DYNC2H1: variants seen among roughly 807,000 people sequenced by gnomAD.
DYNC2H1 encodes the protein cytoplasmic dynein 2 heavy chain 1.
In DYNC2H1, 410 loss-of-function variants were observed where a neutral mutation model predicts 570.0. That is an observed-to-expected ratio of 0.72 (90% CI 0.66 to 0.78). DYNC2H1 has a LOEUF of 0.78. DYNC2H1 is among the 30% of genes least tolerant of loss of function. DYNC2H1 has a pLI of 0.00. For missense variants in DYNC2H1, 4,865 were observed against 5,046.4 expected (o/e 0.96, Z 1.09); for synonymous variants, 1,688 against 1,677.6 (o/e 1.01, Z -0.15).
chr11:103,215,045 T>C (rs932173217), intron 54 of DYNC2H1, among the ~76,000 whole-genome samples: 3 of 152,162 alleles, frequency 2.0e-5, no homozygotes, highest in African/African-American at 7.2e-5. Flanking sequence ...TCTAAGAGTT[T>C]TTTGGTGGAG....
In DYNC2H1 at chr11:103,170,927, G is replaced by T; in HGVS notation, c.5193G>T (p.Leu1731Phe). The T allele has an allele frequency of 6.3e-7, 1 of 1,593,796 alleles. No individual in the cohort carries two copies. Among genetic ancestry groups the T allele is most frequent in the Non-Finnish European group, 8.6e-7 (1 of 1,166,958 alleles). Reference protein sequence around the residue: ...VKSMGRIFVGLVKCGAWGCFD... With the variant: ...VKSMGRIFVGFVKCGAWGCFD... ...CAATGGGACGAATATTTGTTGGTTT[G>T]GTGAAGTGTGGGGCCTGGGGTTGTT... The change falls in exon 34 of 89, where the codon TTG becomes TTT. Residue 1731 changes from leucine (L) to phenylalanine (F), a missense_variant. This residue lies in a region of DYNC2H1 where 292 missense variants were observed against 300.2 expected (regional missense o/e 0.97). Coordinates refer to ENST00000375735, the MANE Select transcript of DYNC2H1 (RefSeq NM_001377.3). The surrounding 1 kb of genome is among the most constrained non-coding windows in gnomAD (Gnocchi z 4.8).
intron 87 of DYNC2H1, among the ~76,000 whole-genome samples, chr11:103,466,333 T>C (rs1409204600): frequency 6.6e-6 from 1 of 152,160 alleles, no homozygotes; most frequent in Admixed American, 6.5e-5. Context: ...AAGAGAAGAC[T>C]TTTAGAAACA....
chr11:103,135,885 G>T lies in DYNC2H1; in HGVS notation c.2511G>T (p.Leu837Phe). The change falls in exon 17 of 89, where the codon TTG becomes TTT. Residue 837 changes from leucine (L) to phenylalanine (F), a missense_variant. By Grantham distance (22) the Leu-to-Phe change is conservative (BLOSUM62 0). Transcript: ENST00000375735. ...TTGATAGAAATGCAAGTGGATTTTT[G>T]ACGATTTTCAGCAAAGCAGAAGATC... ...IMIDRNASGF[L>F]TIFSKAEDLF... 1 of 1,612,960 alleles carries T rather than the reference G, an allele frequency of 6.2e-7. No individual in the cohort carries two copies. The highest frequency in any genetic ancestry group is 1.1e-5 in the South Asian group (1 of 90,896).
chr11:103,290,363 T>C (rs2135365705), intron 75 of DYNC2H1, among the ~76,000 whole-genome samples: 1 of 152,278 alleles, frequency 6.6e-6, no homozygotes, highest in African/African-American at 2.4e-5. Context: ...TGTTCTGTGC[T>C]TTTGCTTACT....
At chr11:103,148,299 C>T (rs1359612710) in intron 19 of DYNC2H1, among the ~76,000 whole-genome samples, 191 bp from the exon 20 acceptor site, 1 of 152,142 alleles carries the variant, frequency 6.6e-6, no homozygotes, top group Admixed American at 6.5e-5. Context: ...AACAACTAAA[C>T]TTTCATGGGA....
At position 103,147,789 on chromosome 11, in the gene DYNC2H1, G is replaced by A; in HGVS notation, c.2720G>A (p.Cys907Tyr). 1.9e-6 allele frequency: 3 copies of A among 1,607,774 alleles called. No homozygotes were observed. The South Asian group carries it at 3.3e-5, about 18-fold the overall frequency. Reference sequence around the variant, plus strand: ...TTTTTCAGTGCTGTCAAGGTAGATTGTTTAAATATTAATTGCAACCCTGTG... The same window carrying A: ...TTTTTCAGTGCTGTCAAGGTAGATTATTTAAATATTAATTGCAACCCTGTG... ...ERLPSAVKVD[C>Y]LNINCNPVKT... Residue 907 changes from cysteine (C) to tyrosine (Y), a missense_variant, in exon 19 of 89, where the codon TGT (cysteine) becomes TAT (tyrosine). Transcript: ENST00000375735.
At chr11:103,286,135 A>C in intron 73 of DYNC2H1, 120 bp from the exon 74 acceptor site, 1 of 1,329,580 alleles carries the variant, frequency 7.5e-7, no homozygotes, top group East Asian at 2.3e-5. Context: ...AGGCAACACA[A>C]AGTAGAAGAG....
chr11:103,148,375 C>T, intron 19 of DYNC2H1, 115 bp from the exon 20 acceptor site: 1 of 1,049,086 alleles, frequency 9.5e-7, no homozygotes, highest in South Asian at 1.9e-5. Flanking sequence ...TAATTTAGAA[C>T]TTATTGTATT....
chr11:103,146,078 C>A (rs574533002), intron 18 of DYNC2H1, among the ~76,000 whole-genome samples: 1 of 152,200 alleles, frequency 6.6e-6, no homozygotes, highest in South Asian at 2.1e-4. Context: ...CTTCATGTGT[C>A]AAGAAAATTG....
intron 66 of DYNC2H1, 108 bp from the exon 67 acceptor site, chr11:103,255,307 A>G: frequency 8.5e-7 from 1 of 1,179,556 alleles, no homozygotes; most frequent in Non-Finnish European, 1.2e-6. Flanking sequence ...GAGATAACAT[A>G]GTATCATATT....
chr11:103,123,121 TTG>T, intron 11 of DYNC2H1, 121 bp downstream of exon 11: 1 of 817,682 alleles, frequency 1.2e-6, no homozygotes, highest in Non-Finnish European at 1.7e-6. Context: ...TAATTTTTTT[TTG>T]TTGTTTGTTT....
In DYNC2H1 at chr11:103,166,889, C is replaced by A. The variant is rs541924839; in HGVS notation, c.4762+841C>A. Among the ~76,000 whole-genome samples, 19 of 150,292 alleles carry A rather than the reference C, an allele frequency of 1.3e-4. No individual in the cohort carries two copies. The South Asian group carries it at 3.0e-3, about 24-fold the overall frequency. On this transcript the variant is annotated intron_variant, in intron 31 of 88. Coordinates refer to ENST00000375735, the MANE Select transcript of DYNC2H1 (RefSeq NM_001377.3). ...GGGAAGCTTTTGGCTCTTATTTCTT[C>A]AAACATTCTTCCTGTATTATACTCT...
chr11:103,417,660 G>A (rs1476076483), intron 84 of DYNC2H1, among the ~76,000 whole-genome samples: 1 of 37,980 alleles, frequency 2.6e-5, no homozygotes, highest in East Asian at 8.6e-4. Context: ...AGGCAGATCA[G>A]AGGTCAGGAT....
intron 80 of DYNC2H1, 47 bp downstream of exon 80, chr11:103,316,667 T>C: frequency 7.4e-7 from 1 of 1,349,400 alleles, no homozygotes; most frequent in Non-Finnish European, 9.9e-7. Flanking sequence ...AAATATTTTA[T>C]CTGAGGTCTT....
At chr11:103,433,295 A>T (rs896218556) in intron 84 of DYNC2H1, among the ~76,000 whole-genome samples, 1 of 148,398 alleles carries the variant, frequency 6.7e-6, no homozygotes, top group African/African-American at 2.5e-5. Flanking sequence ...CACATTGTAG[A>T]TAGTAAATAA....
Position 103,185,114 on chromosome 11 carries a change from C to T in DYNC2H1, c.6633+63C>T, listed in dbSNP as rs999802323. 57 of 1,447,424 alleles carry T rather than the reference C, an allele frequency of 3.9e-5. No individual in the cohort carries two copies. Among genetic ancestry groups the T allele is most frequent in the Non-Finnish European group, 5.1e-5 (54 of 1,064,074 alleles). The allele number at this position is 1,447,424 out of a possible 1,614,324, so 89.7% of individuals were successfully genotyped here. On this transcript the variant is annotated intron_variant, in intron 41 of 88. Coordinates refer to ENST00000375735, the MANE Select transcript of DYNC2H1 (RefSeq NM_001377.3). The surrounding 1 kb of genome is among the most constrained non-coding windows in gnomAD (Gnocchi z 4.5). ...TAACTTTTCATTAACTCTTAACTGC[C>T]AAAACACAATGATTTGTAACTGTAA...
rs1251261286 is a variant in DYNC2H1, at chr11:103,120,958, G to T, written c.1282G>T (p.Val428Leu). 6.4e-7 allele frequency: 1 copy of T among 1,564,110 alleles called. No individual in the cohort carries two copies. The highest frequency in any genetic ancestry group is 1.9e-5 in the Admixed American group (1 of 53,836). ...AGCATTCCTGAAATATAAAGAGTTG[G>T]TAAAGCGTCCAACTATAAGCAAAGA... ...LQAFLKYKEL[V>L]KRPTISKELM... The change falls in exon 9 of 89, where the codon GTA (valine) becomes TTA (leucine). Residue 428 changes from valine (V) to leucine (L), a missense_variant. Val to Leu is a conservative substitution (Grantham distance 32, BLOSUM62 1). This residue lies in a region of DYNC2H1 where 1,936 missense variants were observed against 1,962.1 expected (regional missense o/e 0.99). Coordinates refer to ENST00000375735, the MANE Select transcript of DYNC2H1 (RefSeq NM_001377.3).
intron 65 of DYNC2H1, among the ~76,000 whole-genome samples, chr11:103,250,881 T>C (rs898904791): frequency 4.6e-5 from 7 of 152,050 alleles, no homozygotes; most frequent in Non-Finnish European, 1.5e-5. Context: ...CTTATCTCCA[T>C]TTAGTCATAG....
At chr11:103,451,725 G>A (rs1944612363) in intron 85 of DYNC2H1, among the ~76,000 whole-genome samples, 1 of 152,016 alleles carries the variant, frequency 6.6e-6, no homozygotes, top group Non-Finnish European at 1.5e-5. Flanking sequence ...TGTCCATGTT[G>A]CAACCCTTAG....
Sources: gnomAD v4.1 joint callset for allele counts (sites outside exome capture counted in the v4.1 genomes callset) on GRCh38, gnomAD v4.1.1 for gene constraint, gnomAD v4.1.1 regional missense constraint, Gnocchi (gnomAD v3.1) non-coding constraint, MANE v1.5 for transcripts, NCBI Gene and HGNC (gene_info 2026-07-23, HGNC 2026-07-21) for gene names.